RGS6: variants seen among roughly 807,000 people sequenced by gnomAD.
The protein encoded by RGS6 is regulator of G protein signaling 6, also known as regulator of G-protein signaling 6.
In RGS6, 30 loss-of-function variants were observed where a neutral mutation model predicts 78.5. The ratio of observed to expected loss-of-function variants is 0.38; its 90% CI spans 0.29 to 0.52. RGS6 has a LOEUF of 0.52. Among genes scored for constraint, RGS6 ranks in the 20% least tolerant of loss-of-function variants. The probability of loss-of-function intolerance (pLI) is 0.85; values close to 1 mark genes in which losing one functional copy is unlikely to be tolerated. For synonymous variants in RGS6, 206 were observed against 206.0 expected (o/e 1.00, Z 0.00); for missense variants, 495 against 609.7 (o/e 0.81, Z 1.98).
chr14:72,316,438 C>G (rs920615628), intron 2 of RGS6, among the ~76,000 whole-genome samples: 5 of 152,190 alleles, frequency 3.3e-5, no homozygotes, highest in African/African-American at 1.2e-4. Context: ...ACCCTGTGTC[C>G]AAGTGTTCTC....
At chr14:72,503,355 C>T (rs2096754219) in intron 13 of RGS6, among the ~76,000 whole-genome samples, 1 of 152,198 alleles carries the variant, frequency 6.6e-6, no homozygotes, top group African/African-American at 2.4e-5. Flanking sequence ...ACATTCATTC[C>T]ATCTCAGTAG....
intron 2 of RGS6, among the ~76,000 whole-genome samples, chr14:72,026,412 GA>G (rs950387124): frequency 2.7e-4 from 40 of 146,648 alleles, no homozygotes; most frequent in Non-Finnish European, 3.6e-4. Flanking sequence ...ATCTCAAAAA[GA>G]AAAAAAAAAG....
At chr14:72,350,249 G>T (rs934674910) in intron 2 of RGS6, among the ~76,000 whole-genome samples, 3 of 152,172 alleles carry the variant, frequency 2.0e-5, no homozygotes, top group African/African-American at 7.2e-5. Context: ...GAAGAGTCCA[G>T]TGAGAATGGT....
At position 72,493,742 on chromosome 14, in the gene RGS6, C is replaced by T. The variant is rs148680278; in HGVS notation, c.855-1410C>T. Among the ~76,000 whole-genome samples, 242 of 151,672 alleles carry T rather than the reference C, an allele frequency of 1.6e-3. 1 individual carries two copies. Among genetic ancestry groups the T allele is most frequent in the African/African-American group, 5.6e-3 (232 of 41,308 alleles). On this transcript the variant is annotated intron_variant, in intron 12 of 17. Coordinates refer to ENST00000553525, the MANE Select transcript of RGS6 (RefSeq NM_001204424.2). ...GAACGAGAATCAAAATGGATCCAGG[C>T]TTCTCAATAGTAACACTGCATACCA...
chr14:71,905,707 C>G, the RGS6 span, among the ~76,000 whole-genome samples: 4 of 152,164 alleles, frequency 2.6e-5, no homozygotes, highest in Non-Finnish European at 4.4e-5. Context: ...CCAGGCTGGT[C>G]TCGAACTCCT....
chr14:71,898,809 C>T, the RGS6 span, among the ~76,000 whole-genome samples: 2 of 152,130 alleles, frequency 1.3e-5, no homozygotes, highest in African/African-American at 4.8e-5. Flanking sequence ...ATGATGGTTT[C>T]CAGCTTCACC....
chr14:72,562,586 G>A lies in RGS6; in HGVS notation c.*119G>A. On this transcript the variant is annotated 3_prime_UTR_variant, in exon 18 of 18. Transcript: ENST00000553525. ...ACTTGGTCACTGTGAAGGAGAAAGA[G>A]TGAGGGCAATGAAGGGCGATGGTGG... The A allele has an allele frequency of 1.9e-6, 3 of 1,549,694 alleles. No homozygotes were observed. The highest frequency in any genetic ancestry group is 2.6e-6 in the Non-Finnish European group (3 of 1,153,558).
chr14:72,366,747 C>T (rs995489207), intron 3 of RGS6, among the ~76,000 whole-genome samples: 1 of 152,148 alleles, frequency 6.6e-6, no homozygotes, highest in South Asian at 2.1e-4. Context: ...GGTGAGTCTT[C>T]GGAGTTTCCA....
At chr14:72,061,718 A>T (rs2093906690) in intron 2 of RGS6, among the ~76,000 whole-genome samples, 1 of 152,230 alleles carries the variant, frequency 6.6e-6, no homozygotes, top group Non-Finnish European at 1.5e-5. Flanking sequence ...TTTTTATATT[A>T]AAAATCTGCA....
intron 2 of RGS6, among the ~76,000 whole-genome samples, chr14:72,282,845 T>C (rs145432964): frequency 7.2e-5 from 11 of 152,326 alleles, no homozygotes; most frequent in African/African-American, 2.2e-4. Context: ...TTGTTAATTA[T>C]AGGGACTGTG....
chr14:72,481,968 C>T (rs955191961), intron 12 of RGS6, among the ~76,000 whole-genome samples: 3 of 152,062 alleles, frequency 2.0e-5, no homozygotes, highest in Non-Finnish European at 4.4e-5. Context: ...GCCACCAAGC[C>T]TGGCTAATTT....
At chr14:71,971,462 T>TTTGCCGACTAC (rs2093800611) in intron 2 of RGS6, among the ~76,000 whole-genome samples, 1 of 152,120 alleles carries the variant, frequency 6.6e-6, no homozygotes, top group South Asian at 2.1e-4. Context: ...CTACTCATCC[T>TTTGCCGACTAC]TTTGGGCCTT....
the RGS6 span, among the ~76,000 whole-genome samples, chr14:71,892,863 A>G: frequency 6.6e-6 from 1 of 152,352 alleles, no homozygotes; most frequent in South Asian, 2.1e-4. Context: ...CTTTATGTTA[A>G]TGTTTTACAT....
At chr14:72,530,782 A>G (rs572367877) in intron 15 of RGS6, among the ~76,000 whole-genome samples, 1 of 152,364 alleles carries the variant, frequency 6.6e-6, no homozygotes, top group East Asian at 1.9e-4. Context: ...ACCATTAGGG[A>G]TGGCTGAGCC....
chr14:72,279,840 A>G (rs1322629496), intron 2 of RGS6, among the ~76,000 whole-genome samples: 1 of 152,204 alleles, frequency 6.6e-6, no homozygotes, highest in Non-Finnish European at 1.5e-5. Context: ...AATAGAGAAG[A>G]CAAAGAAAAG....
intron 2 of RGS6, among the ~76,000 whole-genome samples, chr14:72,242,741 G>C (rs946380595): frequency 8.6e-5 from 13 of 151,552 alleles, no homozygotes; most frequent in Middle Eastern, 6.8e-3. Flanking sequence ...GGCAGAAGTG[G>C]TCACTACTGT....
At chr14:71,963,469 C>T (rs2093335325) in intron 1 of RGS6, among the ~76,000 whole-genome samples, 1 of 152,146 alleles carries the variant, frequency 6.6e-6, no homozygotes, top group Non-Finnish European at 1.5e-5. Context: ...CTATCAAGGC[C>T]CCTGAAGGAG....
At chr14:72,596,811 C>A in the RGS6 span, among the ~76,000 whole-genome samples, 1 of 152,152 alleles carries the variant, frequency 6.6e-6, no homozygotes, top group Non-Finnish European at 1.5e-5. Flanking sequence ...AGAGGATAAA[C>A]AGGATGCTCA....
chr14:72,506,984 TAAAAAA>T (rs71109738), intron 13 of RGS6, among the ~76,000 whole-genome samples: 3,191 of 53,396 alleles, frequency 0.06, 45 homozygotes, highest in South Asian at 0.1. Context: ...CTGTCTCTAC[TAAAAAA>T]AAAAAAAAAA....
Sources: allele counts gnomAD v4.1 joint callset (sites outside exome capture counted in the v4.1 genomes callset), GRCh38; gene constraint gnomAD v4.1.1; transcripts MANE v1.5; gene names NCBI Gene and HGNC (gene_info 2026-07-23, HGNC 2026-07-21).